The following DNAH11 variants were observed in gnomAD, a reference collection of about 807,000 sequenced individuals.
The protein encoded by DNAH11 is axonemal beta dynein heavy chain 11.
A neutral mutation model predicts 526.0 loss-of-function variants in DNAH11; 442 were observed. The ratio of observed to expected loss-of-function variants is 0.84; its 90% CI spans 0.78 to 0.91. The LOEUF (loss-of-function observed/expected upper bound fraction) is 0.91, where lower values mean the gene tolerates loss of function less well. DNAH11 is among the 40% of genes least tolerant of loss of function. DNAH11 has a pLI of 0.00. For synonymous variants in DNAH11, 2,461 were observed against 1,935.9 expected (o/e 1.27, Z -7.12); for missense variants, 6,989 against 5,448.7 (o/e 1.28, Z -8.90).
At chr7:21,685,877 T>C (rs1783353343) in intron 32 of DNAH11, among the ~76,000 whole-genome samples, 1 of 152,224 alleles carries the variant, frequency 6.6e-6, no homozygotes, top group Non-Finnish European at 1.5e-5. Context: ...GCACTCGTCA[T>C]TTCTGCACAT....
intron 35 of DNAH11, among the ~76,000 whole-genome samples, chr7:21,691,123 C>A (rs1217635262): frequency 1.3e-5 from 2 of 151,398 alleles, no homozygotes; most frequent in Non-Finnish European, 2.9e-5. Context: ...TTACTGTTAG[C>A]TATTTTGTAA....
chr7:21,758,184 G>C (rs1315871378), intron 54 of DNAH11, among the ~76,000 whole-genome samples: 1 of 152,142 alleles, frequency 6.6e-6, no homozygotes, highest in East Asian at 1.9e-4. Context: ...TGCTTTGCAG[G>C]ACCACATCGC....
chr7:21,674,131 C>T (rs145719306), intron 30 of DNAH11, among the ~76,000 whole-genome samples: 171 of 152,082 alleles, frequency 1.1e-3, no homozygotes, highest in African/African-American at 3.8e-3. Context: ...ACTATCTCGG[C>T]TCACTGCAAC....
intron 28 of DNAH11, among the ~76,000 whole-genome samples, chr7:21,648,528 C>T (rs1430718461): frequency 1.3e-5 from 2 of 152,200 alleles, no homozygotes; most frequent in Non-Finnish European, 2.9e-5. Flanking sequence ...ACCCAAGCTA[C>T]CAGCTGAGCA....
chr7:21,671,074 A>G (rs1782623936), intron 30 of DNAH11, among the ~76,000 whole-genome samples: 1 of 152,318 alleles, frequency 6.6e-6, no homozygotes, highest in African/African-American at 2.4e-5. Context: ...GAAAGAGCTT[A>G]TGTTAGACAT....
chr7:21,760,586 G>A (rs902812488), intron 54 of DNAH11, among the ~76,000 whole-genome samples: 13 of 152,188 alleles, frequency 8.5e-5, no homozygotes, highest in Non-Finnish European at 1.2e-4. Context: ...TTGTTGATAC[G>A]TTGGCAGAGC....
intron 75 of DNAH11, among the ~76,000 whole-genome samples, chr7:21,884,067 C>T (rs1169545896): frequency 6.6e-6 from 1 of 152,164 alleles, no homozygotes; most frequent in East Asian, 1.9e-4. Context: ...TCTTCATAAA[C>T]AGCTCAATGT....
At chr7:21,632,754 C>A (rs1042557858) in intron 25 of DNAH11, among the ~76,000 whole-genome samples, 1 of 152,172 alleles carries the variant, frequency 6.6e-6, no homozygotes. Context: ...TCCAAACTTT[C>A]CCACATTTTC....
In DNAH11 at chr7:21,575,880, C is replaced by T. The variant is rs1278764317; in HGVS notation, c.1593+3907C>T. Among the ~76,000 whole-genome samples the T allele has an allele frequency of 7.2e-5, 11 of 152,310 alleles. No homozygotes were observed. The East Asian group carries it at 2.1e-3, about 29-fold the overall frequency. On this transcript the variant is annotated intron_variant, in intron 8 of 81. Coordinates refer to ENST00000409508, the MANE Select transcript of DNAH11 (RefSeq NM_001277115.2). ...ATTCTGTGTCACTACAATAGCATTG[C>T]TCATCTTAAAACAACTGCGCATTCC...
At chr7:21,863,409 C>T in intron 69 of DNAH11, among the ~76,000 whole-genome samples, 1 of 152,252 alleles carries the variant, frequency 6.6e-6, no homozygotes, top group East Asian at 1.9e-4. Flanking sequence ...CTTACTACAC[C>T]ATTTGCCTCC....
intron 7 of DNAH11, 91 bp from the exon 8 acceptor site, chr7:21,571,715 T>G (rs1783897793): frequency 7.2e-6 from 7 of 974,656 alleles, no homozygotes; most frequent in African/African-American, 1.6e-5. Context: ...ACTCATTGAT[T>G]TTGAACATTT....
chr7:21,720,626 A>G (rs1784838506), intron 43 of DNAH11, 99 bp from the exon 44 acceptor site: 4 of 1,310,306 alleles, frequency 3.1e-6, no homozygotes, highest in African/African-American at 1.5e-5. Context: ...GGGAAAAACT[A>G]TGTACTCTCT....
intron 31 of DNAH11, among the ~76,000 whole-genome samples, chr7:21,682,435 A>C (rs1783183641): frequency 6.7e-6 from 1 of 148,752 alleles, no homozygotes; most frequent in Middle Eastern, 3.3e-3. Flanking sequence ...CTGAGGCGGG[A>C]GAATGGTGTG....
In DNAH11 at chr7:21,619,149, T is replaced by C; in HGVS notation, c.4304T>C (p.Leu1435Pro). The C allele has an allele frequency of 6.2e-7, 1 of 1,613,620 alleles. No individual in the cohort carries two copies. Among genetic ancestry groups the C allele is most frequent in the Non-Finnish European group, 8.5e-7 (1 of 1,179,694 alleles). ...EATTLADLLA[L>P]RLHRVEDDVR... ...ACAACTTTGGCAGATTTGTTAGCAC[T>C]GCGGTTACACAGAGTGGAAGATGAT... The change falls in exon 24 of 82, where the codon CTG becomes CCG. Residue 1435 changes from leucine to proline, a missense_variant. Transcript: ENST00000409508.
chr7:21,874,957 G>A (rs1783649751), intron 74 of DNAH11, among the ~76,000 whole-genome samples: 2 of 152,090 alleles, frequency 1.3e-5, no homozygotes, highest in Admixed American at 1.3e-4. Flanking sequence ...TCTCTACGAA[G>A]CATGTTAACA....
At chr7:21,835,240 A>G (rs1781947853) in intron 65 of DNAH11, among the ~76,000 whole-genome samples, 1 of 148,342 alleles carries the variant, frequency 6.7e-6, no homozygotes, top group African/African-American at 2.5e-5. Context: ...AAAAAAAAAA[A>G]ACAGAGGGAG....
In DNAH11 at chr7:21,892,482, G is replaced by T; in HGVS notation, c.12565G>T (p.Ala4189Ser). 6.2e-7 allele frequency: 1 copy of T among 1,613,864 alleles called. No homozygotes were observed. ...GFAAPPYLDY[A>S]GYHQYIEEML... ...TGCTGCCCCACCCTACCTAGATTAT[G>T]CAGGCTACCACCAGTACATAGAGGA... Residue 4189 changes from alanine (A) to serine (S), a missense_variant, in exon 77 of 82, where the codon GCA (alanine) becomes TCA (serine). Ala to Ser is a moderately conservative substitution (Grantham distance 99, BLOSUM62 1). Coordinates refer to ENST00000409508, the MANE Select transcript of DNAH11 (RefSeq NM_001277115.2).
chr7:21,551,525 G>A (rs1783022767), intron 2 of DNAH11, among the ~76,000 whole-genome samples: 1 of 152,180 alleles, frequency 6.6e-6, no homozygotes, highest in Admixed American at 6.5e-5. Context: ...TATATACAGT[G>A]TCTTCTTGGG....
Position 21,698,233 on chromosome 7 carries a change from G to T in DNAH11, c.6180+20G>T. 6.2e-6 allele frequency: 10 copies of T among 1,611,016 alleles called. No homozygotes were observed. The highest frequency in any genetic ancestry group is 8.5e-6 in the Non-Finnish European group (10 of 1,178,852). On this transcript the variant is annotated intron_variant, in intron 36 of 81. Transcript: ENST00000409508. ...AAGCAGGTGAGGGATCATTTGTTAC[G>T]TTTTCTTGTTTTTACATACCATTGA...
Sources: gnomAD v4.1 joint callset for allele counts (sites outside exome capture counted in the v4.1 genomes callset) on GRCh38, gnomAD v4.1.1 for gene constraint, MANE v1.5 for transcripts, NCBI Gene and HGNC (gene_info 2026-07-23, HGNC 2026-07-21) for gene names.